The following TAFA2 variants were observed in gnomAD, a reference collection of about 807,000 sequenced individuals.
The protein encoded by TAFA2 is TAFA chemokine like family member 2.
Under a neutral mutation model 18.8 loss-of-function variants are expected in TAFA2, and 7 were observed. That is an observed-to-expected ratio of 0.37 (90% CI 0.21 to 0.70). The LOEUF is 0.70. Ranked by LOEUF, TAFA2 falls within the 30% of genes least tolerant of loss-of-function variation. TAFA2 has a pLI of 0.53. For synonymous variants in TAFA2, 60 were observed against 54.2 expected, an observed-to-expected ratio of 1.11 and a Z score of -0.47; for missense variants, 122 against 158.1, an observed-to-expected ratio of 0.77 and a Z score of 1.23.
At chr12:62,244,526 C>T (rs2062876221) in intron 1 of TAFA2, among the ~76,000 whole-genome samples, 1 of 152,124 alleles carries the variant, frequency 6.6e-6, no homozygotes, top group Non-Finnish European at 1.5e-5. Context: ...AAATAATGCT[C>T]TAATCAGTAT....
At chr12:62,254,433 A>G (rs1238223288) in intron 1 of TAFA2, among the ~76,000 whole-genome samples, 1 of 152,168 alleles carries the variant, frequency 6.6e-6, no homozygotes, top group African/African-American at 2.4e-5. Context: ...TATTTTCACT[A>G]TATCCTTAAT....
intron 4 of TAFA2, among the ~76,000 whole-genome samples, chr12:61,730,886 G>A (rs1034260665): frequency 2.6e-4 from 40 of 152,184 alleles, no homozygotes; most frequent in Non-Finnish European, 5.7e-4. Context: ...GCCCCTCCCT[G>A]TCTGTTGTGC....
chr12:62,051,381 A>G (rs1882050642), intron 1 of TAFA2, among the ~76,000 whole-genome samples: 1 of 152,142 alleles, frequency 6.6e-6, no homozygotes, highest in Non-Finnish European at 1.5e-5. Flanking sequence ...TCTATAGATC[A>G]TGCTCTATGG....
intron 1 of TAFA2, among the ~76,000 whole-genome samples, chr12:61,913,440 A>T (rs1482422298): frequency 6.6e-6 from 1 of 152,188 alleles, no homozygotes. Context: ...TTTTAATAAC[A>T]CAGAAGGAAA....
At chr12:62,189,940 T>TTG (rs10643306) in intron 1 of TAFA2, among the ~76,000 whole-genome samples, 20,530 of 141,878 alleles carry the variant, frequency 0.14, 1,511 homozygotes, top group African/African-American at 0.17. Context: ...TGAGTTTGCT[T>TTG]TGTGTGTGTG....
chr12:62,050,425 A>G (rs184545527), intron 1 of TAFA2, among the ~76,000 whole-genome samples: 1 of 152,116 alleles, frequency 6.6e-6, no homozygotes, highest in East Asian at 1.9e-4. Context: ...CAAAAAAATT[A>G]GCCGGGCGTG....
intron 1 of TAFA2, among the ~76,000 whole-genome samples, chr12:61,953,192 A>G (rs1246825792): frequency 6.6e-6 from 1 of 152,126 alleles, no homozygotes; most frequent in Non-Finnish European, 1.5e-5. Context: ...GGAGAGCACT[A>G]TGCACTTTCC....
intron 1 of TAFA2, among the ~76,000 whole-genome samples, chr12:62,208,536 G>A (rs2062701213): frequency 1.3e-5 from 2 of 152,102 alleles, no homozygotes; most frequent in African/African-American, 4.8e-5. Context: ...TCTGCAACTT[G>A]GTAGGCAGCA....
intron 2 of TAFA2, among the ~76,000 whole-genome samples, chr12:61,755,998 A>C (rs1049023784): frequency 2.0e-5 from 3 of 152,128 alleles, no homozygotes; most frequent in Non-Finnish European, 4.4e-5. Context: ...CAGATATTAC[A>C]ATGGAAAAGC....
intron 1 of TAFA2, chr12:61,880,030 G>A (rs1162328687): frequency 1.4e-6 from 1 of 725,530 alleles, no homozygotes; most frequent in Non-Finnish European, 2.5e-6. Context: ...GGGAGCTGCA[G>A]TCCCTGATCT....
At chr12:61,762,670 T>A (rs999382350) in intron 2 of TAFA2, among the ~76,000 whole-genome samples, 40 of 150,618 alleles carry the variant, frequency 2.7e-4, no homozygotes, top group African/African-American at 8.2e-4. Flanking sequence ...TACAGTTAAT[T>A]GTGTTGACTT....
intron 4 of TAFA2, among the ~76,000 whole-genome samples, chr12:61,719,894 T>G (rs2017033805): frequency 6.6e-6 from 1 of 152,198 alleles, no homozygotes. Flanking sequence ...CCTATCATCT[T>G]CCATAGAATT....
intron 1 of TAFA2, among the ~76,000 whole-genome samples, chr12:62,200,303 T>C (rs1326164675): frequency 1.3e-5 from 2 of 152,128 alleles, no homozygotes; most frequent in East Asian, 3.8e-4. Flanking sequence ...AATTGCTGTT[T>C]ATGTTTTCAT....
chr12:61,725,180 A>G (rs1870102376), intron 4 of TAFA2, among the ~76,000 whole-genome samples: 1 of 151,926 alleles, frequency 6.6e-6, no homozygotes, highest in Admixed American at 6.6e-5. Context: ...GATTCTGGAT[A>G]TAGTTTTTTG....
chr12:62,118,401 C>T (rs1195111214), intron 1 of TAFA2, among the ~76,000 whole-genome samples: 2 of 151,938 alleles, frequency 1.3e-5, no homozygotes, highest in African/African-American at 4.8e-5. Flanking sequence ...AGATTGTTTC[C>T]AGGCTATTCC....
chr12:61,735,869 A>C (rs1188830600), intron 4 of TAFA2, among the ~76,000 whole-genome samples: 1 of 151,902 alleles, frequency 6.6e-6, no homozygotes, highest in African/African-American at 2.4e-5. Context: ...TTATTTGTGG[A>C]GTGATTGTGA....
intron 4 of TAFA2, among the ~76,000 whole-genome samples, chr12:61,735,410 A>T (rs1868288425): frequency 6.6e-6 from 1 of 152,210 alleles, no homozygotes; most frequent in East Asian, 1.9e-4. Flanking sequence ...ATTGACACAT[A>T]ATAATTGTAC....
intron 1 of TAFA2, among the ~76,000 whole-genome samples, chr12:61,899,758 C>T (rs1876015624): frequency 1.3e-5 from 2 of 152,206 alleles, no homozygotes; most frequent in Non-Finnish European, 2.9e-5. Context: ...TTAAAAACTT[C>T]ACCTGTACTG....
At chr12:61,769,038 A>G (rs1201665980) in intron 2 of TAFA2, among the ~76,000 whole-genome samples, 2 of 151,894 alleles carry the variant, frequency 1.3e-5, no homozygotes, top group Admixed American at 6.6e-5. Context: ...TTCAGGCTGC[A>G]TGGAAGCTGG....
Sources: gnomAD v4.1 joint callset for allele counts (sites outside exome capture counted in the v4.1 genomes callset) on GRCh38, gnomAD v4.1.1 for gene constraint, MANE v1.5 for transcripts, NCBI Gene and HGNC (gene_info 2026-07-23, HGNC 2026-07-21) for gene names.